Variants in PEX5L observed in about 807,000 individuals in gnomAD.
The protein encoded by PEX5L is PEX5-related protein.
In PEX5L, 30 loss-of-function variants were observed where a neutral mutation model predicts 84.0. The observed-to-expected ratio is 0.36, with a 90% confidence interval of 0.27 to 0.48. The LOEUF (loss-of-function observed/expected upper bound fraction) is 0.48. PEX5L is among the 20% of genes least tolerant of loss of function. The pLI, the probability that PEX5L is intolerant of heterozygous loss-of-function variation, is 0.99. For missense variants in PEX5L, 533 were observed against 754.6 expected, an observed-to-expected ratio of 0.71 and a Z score of 3.44; for synonymous variants, 270 against 283.1, an observed-to-expected ratio of 0.95 and a Z score of 0.46.
At chr3:179,991,371 A>C (rs1561030824) in intron 1 of PEX5L, among the ~76,000 whole-genome samples, 1 of 152,300 alleles carries the variant, frequency 6.6e-6, no homozygotes, top group East Asian at 1.9e-4. Flanking sequence ...CTGTTTTATA[A>C]TAGCTGGATC....
At chr3:179,926,884 C>T (rs895936584) in intron 2 of PEX5L, among the ~76,000 whole-genome samples, 1 of 152,156 alleles carries the variant, frequency 6.6e-6, no homozygotes, top group East Asian at 1.9e-4. Flanking sequence ...CCATCCAAAA[C>T]AATTTTTATG....
chr3:179,914,623 G>A (rs954278275), intron 2 of PEX5L, among the ~76,000 whole-genome samples: 19 of 152,212 alleles, frequency 1.2e-4, no homozygotes, highest in African/African-American at 4.3e-4. Context: ...TGATATATCT[G>A]CCTAAGACTC....
At chr3:180,015,971 TG>T (rs1303538706) in intron 1 of PEX5L, among the ~76,000 whole-genome samples, 1 of 151,390 alleles carries the variant, frequency 6.6e-6, no homozygotes, top group Non-Finnish European at 1.5e-5. Flanking sequence ...AAAGGCATAA[TG>T]GGATATTTGG....
chr3:179,971,892 C>T (rs184926447), intron 1 of PEX5L, among the ~76,000 whole-genome samples: 2 of 152,146 alleles, frequency 1.3e-5, no homozygotes, highest in Admixed American at 6.6e-5. Context: ...CAACTTATAC[C>T]TTTAATCTTT....
chr3:179,907,485 A>G (rs935722365), intron 2 of PEX5L, among the ~76,000 whole-genome samples: 4 of 151,414 alleles, frequency 2.6e-5, no homozygotes, highest in African/African-American at 9.7e-5. Context: ...GCTAATTTTT[A>G]ATTTTTTTGG....
At chr3:179,996,735 T>C (rs1281483094) in intron 1 of PEX5L, among the ~76,000 whole-genome samples, 1 of 152,148 alleles carries the variant, frequency 6.6e-6, no homozygotes, top group Non-Finnish European at 1.5e-5. Flanking sequence ...AAAATTTAAA[T>C]ACAATGGGAA....
chr3:179,870,445 C>T (rs1749886993), intron 7 of PEX5L, among the ~76,000 whole-genome samples: 3 of 143,902 alleles, frequency 2.1e-5, no homozygotes, highest in African/African-American at 7.5e-5. Context: ...GCCCCAAACT[C>T]CTCGGGGAGA....
chr3:179,896,827 C>T (rs1396058564), intron 3 of PEX5L, among the ~76,000 whole-genome samples: 3 of 152,092 alleles, frequency 2.0e-5, no homozygotes, highest in African/African-American at 7.2e-5. Flanking sequence ...TGGGAGTCTA[C>T]AGAGGTCTGA....
At chr3:179,893,218 A>G (rs908043571) in intron 3 of PEX5L, among the ~76,000 whole-genome samples, 1 of 152,150 alleles carries the variant, frequency 6.6e-6, no homozygotes, top group Non-Finnish European at 1.5e-5. Flanking sequence ...TGCTTCATAT[A>G]TCAATACAGT....
chr3:179,898,320 T>C (rs1204035202), intron 2 of PEX5L, 74 bp from the exon 3 acceptor site: 3 of 1,074,326 alleles, frequency 2.8e-6, no homozygotes, highest in Admixed American at 3.8e-5. Flanking sequence ...GATATTCTAA[T>C]GTTTAAAGAG....
At chr3:179,897,760 A>G (rs2108979710) in intron 3 of PEX5L, among the ~76,000 whole-genome samples, 1 of 152,292 alleles carries the variant, frequency 6.6e-6, no homozygotes, top group South Asian at 2.1e-4. Context: ...TGTATACAAT[A>G]TAACTTGTTT....
Position 179,872,929 on chromosome 3 carries a change from G to T in PEX5L, c.726+1398C>A, listed in dbSNP as rs549387391. Among the ~76,000 whole-genome samples, 3 of 152,288 alleles carry T rather than the reference G, an allele frequency of 2.0e-5. No individual in the cohort carries two copies. In the South Asian group the frequency reaches 6.2e-4, roughly 32 times the overall value. On this transcript the variant is annotated intron_variant, in intron 7 of 14. Coordinates refer to ENST00000467460, the MANE Select transcript of PEX5L (RefSeq NM_016559.3). ...ACCAAGGAAAAAACTACATTTTCAT[G>T]CTACATTTACAATTCTTTGAGGTTT...
intron 9 of PEX5L, among the ~76,000 whole-genome samples, chr3:179,816,432 T>C (rs1726121491): frequency 6.6e-6 from 1 of 152,160 alleles, no homozygotes; most frequent in Non-Finnish European, 1.5e-5. Flanking sequence ...TTCATGTCCT[T>C]TTCAGGGACA....
intron 1 of PEX5L, among the ~76,000 whole-genome samples, chr3:180,006,455 C>G (rs1475806680): frequency 6.6e-6 from 1 of 151,842 alleles, no homozygotes; most frequent in African/African-American, 2.4e-5. Flanking sequence ...GAGAAACATA[C>G]CTATTGCTTT....
At chr3:179,964,777 TCTAA>T (rs1462619442) in intron 2 of PEX5L, among the ~76,000 whole-genome samples, 2 of 152,180 alleles carry the variant, frequency 1.3e-5, no homozygotes, top group Admixed American at 6.5e-5. Flanking sequence ...AGCTATTTAG[TCTAA>T]CTATCTACCA....
At chr3:179,866,983 G>A (rs1324986533) in intron 7 of PEX5L, among the ~76,000 whole-genome samples, 4 of 141,202 alleles carry the variant, frequency 2.8e-5, no homozygotes, top group South Asian at 2.2e-4. Context: ...TCGAGATCGC[G>A]CCACTGTACT....
intron 1 of PEX5L, among the ~76,000 whole-genome samples, chr3:180,027,334 C>T (rs1791052542): frequency 6.6e-6 from 1 of 152,096 alleles, no homozygotes; most frequent in Non-Finnish European, 1.5e-5. Flanking sequence ...ACTTTTTTTC[C>T]AACACATTAT....
intron 3 of PEX5L, among the ~76,000 whole-genome samples, chr3:179,896,526 G>C (rs1759351755): frequency 6.6e-6 from 1 of 152,072 alleles, no homozygotes; most frequent in South Asian, 2.1e-4. Flanking sequence ...ATGTTATTTT[G>C]CATTAAATTT....
At chr3:179,990,645 C>G (rs907885928) in intron 1 of PEX5L, among the ~76,000 whole-genome samples, 14 of 152,108 alleles carry the variant, frequency 9.2e-5, no homozygotes, top group Non-Finnish European at 1.8e-4. Flanking sequence ...TCAGGTGATC[C>G]TCCCACCCCT....
Sources: allele counts gnomAD v4.1 joint callset (sites outside exome capture counted in the v4.1 genomes callset), GRCh38; gene constraint gnomAD v4.1.1; transcripts MANE v1.5; gene names NCBI Gene and HGNC (gene_info 2026-07-23, HGNC 2026-07-21).